The following RFTN1 variants were observed in gnomAD, a reference collection of about 807,000 sequenced individuals.
RFTN1 encodes raftlin.
In RFTN1, 26 loss-of-function variants were observed where a neutral mutation model predicts 46.5. That is an observed-to-expected ratio of 0.56 (90% CI 0.41 to 0.78). The LOEUF is 0.78. Ranked by LOEUF, RFTN1 falls within the 30% of genes least tolerant of loss-of-function variation. RFTN1 has a pLI of 0.00. For missense variants in RFTN1, 693 were observed against 718.7 expected, an observed-to-expected ratio of 0.96 and a Z score of 0.41; for synonymous variants, 261 against 284.2, an observed-to-expected ratio of 0.92 and a Z score of 0.82.
intron 7 of RFTN1, among the ~76,000 whole-genome samples, chr3:16,357,604 C>T (rs1044539326): frequency 2.6e-5 from 4 of 152,202 alleles, no homozygotes; most frequent in Admixed American, 6.5e-5. Context: ...TGAGTATTAA[C>T]GGAGGCCACA....
intron 2 of RFTN1, among the ~76,000 whole-genome samples, chr3:16,485,641 C>T (rs1307961270): frequency 6.6e-6 from 1 of 152,258 alleles, no homozygotes; most frequent in Non-Finnish European, 1.5e-5. Context: ...TCAGGGCAGG[C>T]ACCTGAGGGA....
chr3:16,504,104 AT>A lies in RFTN1; in HGVS notation c.-9+9337del, dbSNP rs376049743. Among the ~76,000 whole-genome samples, 3 of 150,018 alleles carry A rather than the reference AT, an allele frequency of 2.0e-5. No homozygotes were observed. The highest frequency in any genetic ancestry group is 2.0e-4 in the East Asian group (1 of 5,108). On this transcript the variant is annotated intron_variant, in intron 1 of 9. Transcript: ENST00000334133. The surrounding 1 kb of genome is among the most constrained non-coding windows in gnomAD (Gnocchi z 4.4). ...CACAGTGCCCTTAGTTTCTCTGTAC[AT>A]TTTTTAATGGCATGCCCTAGACTAA...
chr3:16,432,774 T>C (rs539442316), intron 3 of RFTN1, among the ~76,000 whole-genome samples: 80 of 152,228 alleles, frequency 5.3e-4, no homozygotes, highest in Non-Finnish European at 9.3e-4. Flanking sequence ...GAATTCTGGG[T>C]TCGAGCAAAA....
In RFTN1 at chr3:16,474,485, A is replaced by G. The variant is rs927202061; in HGVS notation, c.145+19240T>C. On this transcript the variant is annotated intron_variant, in intron 2 of 9. Coordinates refer to ENST00000334133, the MANE Select transcript of RFTN1 (RefSeq NM_015150.2). This position sits in a 1 kb window ranked among gnomAD's most constrained non-coding sequence, Gnocchi z 5.5. The stretch of plus-strand genomic sequence containing the variant: ...AGATAAACAAAGGCTGACCATGAGA[A>G]AGATACCAGTACACCCCCAGGAAGC... Among the ~76,000 whole-genome samples the G allele has an allele frequency of 6.6e-6, 1 of 152,208 alleles. No homozygotes were observed. Among genetic ancestry groups the G allele is most frequent in the African/African-American group, 2.4e-5 (1 of 41,446 alleles).
rs746934775 is a variant in RFTN1, at chr3:16,426,038, G to A, written c.332+7813C>T. Among the ~76,000 whole-genome samples, 5 of 152,106 alleles carry A rather than the reference G, an allele frequency of 3.3e-5. No homozygotes were observed. Among genetic ancestry groups the A allele is most frequent in the African/African-American group, 1.2e-4 (5 of 41,402 alleles). On this transcript the variant is annotated intron_variant, in intron 3 of 9. Transcript: ENST00000334133. The surrounding 1 kb of genome is among the most constrained non-coding windows in gnomAD (Gnocchi z 5.9). The stretch of plus-strand genomic sequence containing the variant: ...CTAAACAAACACCTTCTCATTCCCC[G>A]CTCTGCCTTAAGCAAGAGCTCTGAA...
chr3:16,421,213 C>T lies in RFTN1; in HGVS notation c.333-11730G>A, dbSNP rs780225949. On this transcript the variant is annotated intron_variant, in intron 3 of 9. Transcript: ENST00000334133. The surrounding 1 kb of genome is among the most constrained non-coding windows in gnomAD (Gnocchi z 4.6). Reference sequence around the variant, plus strand: ...AAGTTCACACTATTAATAGCTAATACCTCAAGGCAAAATATACACTTGAAA... The same window carrying T: ...AAGTTCACACTATTAATAGCTAATATCTCAAGGCAAAATATACACTTGAAA... 2.6e-5 allele frequency among the ~76,000 whole-genome samples: 4 copies of T among 152,132 alleles called. No homozygotes were observed. Among genetic ancestry groups the T allele is most frequent in the Non-Finnish European group, 5.9e-5 (4 of 68,032 alleles).
In RFTN1 at chr3:16,474,205, G is replaced by A. The variant is rs1383870727; in HGVS notation, c.145+19520C>T. The stretch of plus-strand genomic sequence containing the variant: ...GATGACTTTATTCAATTCTAACAAC[G>A]CCAGGAAATATACTGCATTTTACAG... On this transcript the variant is annotated intron_variant, in intron 2 of 9. Transcript: ENST00000334133. This position sits in a 1 kb window ranked among gnomAD's most constrained non-coding sequence, Gnocchi z 5.5. Among the ~76,000 whole-genome samples, 3 of 152,044 alleles carry A rather than the reference G, an allele frequency of 2.0e-5. No individual in the cohort carries two copies. The highest frequency in any genetic ancestry group is 1.9e-4 in the East Asian group (1 of 5,196).
At chr3:16,392,775 C>A (rs1159034509) in intron 4 of RFTN1, among the ~76,000 whole-genome samples, 1 of 151,990 alleles carries the variant, frequency 6.6e-6, no homozygotes, top group Non-Finnish European at 1.5e-5. Flanking sequence ...ACGTATGAAG[C>A]ATTAACAGGT....
chr3:16,454,780 T>C, intron 2 of RFTN1: 18 of 985,398 alleles, frequency 1.8e-5, no homozygotes, highest in Non-Finnish European at 2.2e-5. Context: ...GCACTCACCA[T>C]CACAGTTTTC....
rs1449185022 is a variant in RFTN1 at position 16,433,084 on chromosome 3, A to G, written c.332+767T>C. Among the ~76,000 whole-genome samples, 1 of 152,182 alleles carries G rather than the reference A, an allele frequency of 6.6e-6. No individual in the cohort carries two copies. The highest frequency in any genetic ancestry group is 1.5e-5 in the Non-Finnish European group (1 of 68,032). On this transcript the variant is annotated intron_variant, in intron 3 of 9. Transcript: ENST00000334133. This position sits in a 1 kb window ranked among gnomAD's most constrained non-coding sequence, Gnocchi z 4.4. ...CTTCTATGATAGTTGGCCAAAAGAC[A>G]AATCTGATTTCCTTTCCCAGACTTC...
intron 1 of RFTN1, among the ~76,000 whole-genome samples, chr3:16,508,068 C>A (rs1230230694): frequency 6.6e-6 from 1 of 152,190 alleles, no homozygotes; most frequent in Non-Finnish European, 1.5e-5. Flanking sequence ...TTGTCGGCAT[C>A]AAACAACTGA....
At position 16,493,875 on chromosome 3, in the gene RFTN1, C is replaced by T; in HGVS notation, c.-6G>A. ...TTGTTCAATCCGCAACCCATTTCAG[C>T]AGCTGCTGGCCAAAGGAAAAAGGCG... On this transcript the variant is annotated splice_region_variant and 5_prime_UTR_variant, in exon 2 of 10. Coordinates refer to ENST00000334133, the MANE Select transcript of RFTN1 (RefSeq NM_015150.2). 6.2e-7 allele frequency: 1 copy of T among 1,614,174 alleles called. No homozygotes were observed. The highest frequency in any genetic ancestry group is 1.7e-5 in the Admixed American group (1 of 60,022).
At position 16,370,382 on chromosome 3, in the gene RFTN1, T is replaced by A; in HGVS notation, c.827-103A>T. 1 of 1,023,112 alleles carries A rather than the reference T, an allele frequency of 9.8e-7. No individual in the cohort carries two copies. Among genetic ancestry groups the A allele is most frequent in the East Asian group, 2.4e-5 (1 of 41,936 alleles). 63.4% of individuals were successfully genotyped at this position (1,023,112 alleles called of 1,614,324 possible). On this transcript the variant is annotated intron_variant, in intron 5 of 9. Transcript: ENST00000334133. This position sits in a 1 kb window ranked among gnomAD's most constrained non-coding sequence, Gnocchi z 5.5. ...ATCTCTCAGGAGCCTGAATAAATGA[T>A]ATGATGAATGCTGAAATCTCTGTGA... is the stretch of plus-strand genomic sequence containing the variant.
chr3:16,386,281 G>T (rs891977907), intron 4 of RFTN1, among the ~76,000 whole-genome samples: 22 of 152,202 alleles, frequency 1.4e-4, no homozygotes, highest in African/African-American at 5.3e-4. Context: ...AAGAGCAAAT[G>T]TTCAGTGTGC....
chr3:16,505,962 T>G (rs1338180001), intron 1 of RFTN1, among the ~76,000 whole-genome samples: 2 of 152,032 alleles, frequency 1.3e-5, no homozygotes, highest in Admixed American at 6.5e-5. Context: ...ACAAAAGAGA[T>G]TCACACAATA....
chr3:16,377,696 C>T (rs1198876250), intron 5 of RFTN1, 22 bp downstream of exon 5: 1 of 1,558,534 alleles, frequency 6.4e-7, no homozygotes, highest in Middle Eastern at 1.7e-4. Flanking sequence ...TGGGTCAAAA[C>T]TCCCATTGCT....
At position 16,460,540 on chromosome 3, in the gene RFTN1, A is replaced by G. The variant is rs1035474694; in HGVS notation, c.146-26503T>C. ...AGTTGGATCAATGACGTCAACAACC[A>G]ACGCCGCTGTCCAAAACCAAAACCT... On this transcript the variant is annotated intron_variant, in intron 2 of 9. Transcript: ENST00000334133. The surrounding 1 kb of genome is among the most constrained non-coding windows in gnomAD (Gnocchi z 4.8). Among the ~76,000 whole-genome samples the G allele has an allele frequency of 6.6e-6, 1 of 152,156 alleles. No individual in the cohort carries two copies. The highest frequency in any genetic ancestry group is 1.5e-5 in the Non-Finnish European group (1 of 68,028).
In RFTN1 at chr3:16,446,749, G is replaced by A. The variant is rs2075737825; in HGVS notation, c.146-12712C>T. ...TGGAAAACAAGAGATTTCCCAAAAA[G>A]TGCGGTACCCGAGGGTATGAGCACA... On this transcript the variant is annotated intron_variant, in intron 2 of 9. Transcript: ENST00000334133. The surrounding 1 kb of genome is among the most constrained non-coding windows in gnomAD (Gnocchi z 4.5). 6.6e-6 allele frequency among the ~76,000 whole-genome samples: 1 copy of A among 152,124 alleles called. No homozygotes were observed. Among genetic ancestry groups the A allele is most frequent in the Non-Finnish European group, 1.5e-5 (1 of 68,030 alleles).
At chr3:16,367,292 T>C (rs958094610) in intron 6 of RFTN1, among the ~76,000 whole-genome samples, 15 of 151,940 alleles carry the variant, frequency 9.9e-5, no homozygotes, top group Non-Finnish European at 2.2e-4. Context: ...CCATTTTTTT[T>C]CTTAATTCTG....
Sources: gnomAD v4.1 joint callset for allele counts (sites outside exome capture counted in the v4.1 genomes callset) on GRCh38, gnomAD v4.1.1 for gene constraint, Gnocchi (gnomAD v3.1) non-coding constraint, MANE v1.5 for transcripts, NCBI Gene and HGNC (gene_info 2026-07-23, HGNC 2026-07-21) for gene names.